Variants in ZFYVE16 observed in about 807,000 individuals in gnomAD.
ZFYVE16 encodes the protein zinc finger FYVE domain-containing protein 16.
ZFYVE16 carries 89 observed loss-of-function variants against 138.1 expected under a neutral mutation model. The ratio of observed to expected loss-of-function variants is 0.64; its 90% CI spans 0.54 to 0.77. The LOEUF (loss-of-function observed/expected upper bound fraction) is 0.77. Among genes scored for constraint, ZFYVE16 ranks in the 30% least tolerant of loss-of-function variants. ZFYVE16 has a pLI of 0.00. For missense variants in ZFYVE16, 1,793 were observed against 1,786.7 expected (o/e 1.00, Z -0.06); for synonymous variants, 596 against 618.3 (o/e 0.96, Z 0.53).
At chr5:80,473,962 T>TA in intron 17 of ZFYVE16, 103 bp downstream of exon 17, 1 of 774,832 alleles carries the variant, frequency 1.3e-6, no homozygotes, top group Non-Finnish European at 2.1e-6. Flanking sequence ...CATAGCTTAT[T>TA]ATACTTTTTA....
rs1296264146 is a variant in ZFYVE16 at position 80,437,556 on chromosome 5, G to A, written c.871G>A (p.Glu291Lys). The change falls in exon 4 of 19, where the codon GAA becomes AAA. Residue 291 changes from glutamate (E) to lysine (K), a missense_variant. Transcript: ENST00000505560. The stretch of plus-strand genomic sequence containing the variant: ...AGATGTGGCAGTCATAACTGCCGCA[G>A]AATGTTTAAAAGAAGAGGGCAAGAC... ...EVDVAVITAA[E>K]CLKEEGKTSA... The A allele has an allele frequency of 1.9e-6, 3 of 1,614,118 alleles. No individual in the cohort carries two copies. Among genetic ancestry groups the A allele is most frequent in the African/African-American group, 1.3e-5 (1 of 75,058 alleles).
At position 80,430,015 on chromosome 5, in the gene ZFYVE16, C is replaced by T. The variant is rs574845897; in HGVS notation, c.-40+2470C>T. Among the ~76,000 whole-genome samples, 56 of 152,250 alleles carry T rather than the reference C, an allele frequency of 3.7e-4. No homozygotes were observed. In the East Asian group the frequency reaches 0.01, roughly 28 times the overall value. ...GGAGACTTTAACACCCCACTGTCAACATTAGACAGATCCACGAGACAGAAA... is the reference window on the plus strand; with the variant it reads ...GGAGACTTTAACACCCCACTGTCAATATTAGACAGATCCACGAGACAGAAA... On this transcript the variant is annotated intron_variant, in intron 2 of 18. Coordinates refer to ENST00000505560, the MANE Select transcript of ZFYVE16 (RefSeq NM_001284236.3).
chr5:80,445,212 T>A (rs1751162961), intron 6 of ZFYVE16, 51 bp from the exon 7 acceptor site: 1 of 1,585,712 alleles, frequency 6.3e-7, no homozygotes, highest in African/African-American at 1.4e-5. Flanking sequence ...TGGCATTAAA[T>A]CATTGCCATA....
chr5:80,416,787 T>G (rs1417572053), intron 1 of ZFYVE16, among the ~76,000 whole-genome samples: 1 of 152,160 alleles, frequency 6.6e-6, no homozygotes, highest in Non-Finnish European at 1.5e-5. Flanking sequence ...CAAGGAGACT[T>G]GGTTCCTTTT....
chr5:80,449,130 C>G (rs1048964470), intron 8 of ZFYVE16, among the ~76,000 whole-genome samples: 3 of 146,276 alleles, frequency 2.1e-5, no homozygotes, highest in Non-Finnish European at 3.0e-5. Flanking sequence ...TTGTCAAGAT[C>G]TTTTTTTTTT....
rs911822284 is a variant in ZFYVE16, at chr5:80,480,617, A to C, written c.*3240A>C. Among the ~76,000 whole-genome samples, 1 of 152,270 alleles carries C rather than the reference A, an allele frequency of 6.6e-6. No individual in the cohort carries two copies. The highest frequency in any genetic ancestry group is 1.9e-4 in the East Asian group (1 of 5,184). ...ACAAATCCCAAACAGAATAAACTAG[A>C]AAATCCACACATAGACACATAATAA... On this transcript the variant is annotated 3_prime_UTR_variant, in exon 19 of 19. Coordinates refer to ENST00000505560, the MANE Select transcript of ZFYVE16 (RefSeq NM_001284236.3).
chr5:80,477,634 T>C lies in ZFYVE16; in HGVS notation c.*257T>C, dbSNP rs1755041269. On this transcript the variant is annotated 3_prime_UTR_variant, in exon 19 of 19. Coordinates refer to ENST00000505560, the MANE Select transcript of ZFYVE16 (RefSeq NM_001284236.3). ...AAAGACAAGGATTTCTTTTAAGAAATTTATAGCATTTACTGTGTTATTTAA... is the reference window on the plus strand; with the variant it reads ...AAAGACAAGGATTTCTTTTAAGAAACTTATAGCATTTACTGTGTTATTTAA... The C allele has an allele frequency of 3.5e-6, 1 of 285,644 alleles. No individual in the cohort carries two copies. Among genetic ancestry groups the C allele is most frequent in the South Asian group, 8.6e-5 (1 of 11,648 alleles). The allele number at this position is 285,644 out of a possible 1,614,324, so 17.7% of individuals were successfully genotyped here.
intron 2 of ZFYVE16, among the ~76,000 whole-genome samples, chr5:80,428,983 G>A (rs1195399507): frequency 2.0e-5 from 3 of 152,198 alleles, no homozygotes; most frequent in African/African-American, 7.2e-5. Flanking sequence ...CGTCTAATTG[G>A]TGTACCTGAA....
intron 8 of ZFYVE16, 135 bp downstream of exon 8, chr5:80,448,539 G>C (rs970943710): frequency 1.1e-5 from 9 of 833,650 alleles, no homozygotes; most frequent in Non-Finnish European, 6.5e-6. Context: ...TTTGTTTACA[G>C]AAAGTCTTAT....
intron 12 of ZFYVE16, 88 bp downstream of exon 12, chr5:80,455,862 CTTTAA>C: frequency 8.9e-7 from 1 of 1,128,718 alleles, no homozygotes. Flanking sequence ...TATTTTCCTA[CTTTAA>C]TTTGCCATAT....
In ZFYVE16 at chr5:80,435,100, T is replaced by C. The variant is rs958266597; in HGVS notation, c.70+883T>C. 4.1e-4 allele frequency among the ~76,000 whole-genome samples: 62 copies of C among 152,176 alleles called. 1 individual carries two copies. The highest frequency in any genetic ancestry group is 2.0e-4 in the Admixed American group (3 of 15,278). On this transcript the variant is annotated intron_variant, in intron 3 of 18. Coordinates refer to ENST00000505560, the MANE Select transcript of ZFYVE16 (RefSeq NM_001284236.3). ...TCCAGGCTGGAGTGCAGTGGCATGA[T>C]CTCGGCTCACTGCAACTTCTGCCTC...
chr5:80,429,348 C>A (rs1748629649), intron 2 of ZFYVE16, among the ~76,000 whole-genome samples: 1 of 152,162 alleles, frequency 6.6e-6, no homozygotes, highest in South Asian at 2.1e-4. Flanking sequence ...TCCAGCCAAA[C>A]TAAGCTTCAT....
At chr5:80,457,120 T>G in intron 14 of ZFYVE16, 28 bp downstream of exon 14, 1 of 1,602,106 alleles carries the variant, frequency 6.2e-7, no homozygotes, top group Non-Finnish European at 8.5e-7. Context: ...TAGTGCTAAT[T>G]TACAAAACCA....
intron 15 of ZFYVE16, among the ~76,000 whole-genome samples, chr5:80,464,933 C>T (rs899469827): frequency 6.6e-6 from 1 of 152,076 alleles, no homozygotes; most frequent in South Asian, 2.1e-4. Context: ...AAACTTTACT[C>T]CTGTTTATCG....
intron 15 of ZFYVE16, among the ~76,000 whole-genome samples, chr5:80,470,163 G>A (rs1223069763): frequency 2.8e-5 from 4 of 143,094 alleles, no homozygotes; most frequent in African/African-American, 1.0e-4. Flanking sequence ...GTGCAGTGGC[G>A]CAATCTCGGC....
At chr5:80,436,731 G>A (rs752711847) in intron 3 of ZFYVE16, 25 bp from the exon 4 acceptor site, 13 of 1,568,046 alleles carry the variant, frequency 8.3e-6, no homozygotes, top group South Asian at 8.1e-5. Flanking sequence ...TAAGTCTCCC[G>A]AATAACACTG....
chr5:80,425,484 A>C (rs1301856943), intron 1 of ZFYVE16, among the ~76,000 whole-genome samples: 1 of 152,234 alleles, frequency 6.6e-6, no homozygotes, highest in Non-Finnish European at 1.5e-5. Context: ...AGATGTGTTT[A>C]ATAATGTATA....
Position 80,482,924 on chromosome 5 carries a change from G to C in ZFYVE16, c.*5547G>C, listed in dbSNP as rs1056962224. ...TCTGTTGCCCAGGCTGGAATGGATT[G>C]GTGCGATCTCAGCTCACTGCAACCT... On this transcript the variant is annotated 3_prime_UTR_variant, in exon 19 of 19. Transcript: ENST00000505560. 3.3e-5 allele frequency: 5 copies of C among 151,590 alleles called. No individual in the cohort carries two copies. Among genetic ancestry groups the C allele is most frequent in the African/African-American group, 1.2e-4 (5 of 41,176 alleles). The allele number at this position is 151,590 out of a possible 1,614,324, so 9.4% of individuals were successfully genotyped here. A position where few individuals can be genotyped will look rare whatever the true frequency, so the allele number is the denominator to read the frequency against.
intron 1 of ZFYVE16, among the ~76,000 whole-genome samples, chr5:80,413,395 TG>T (rs1160708581): frequency 6.9e-6 from 1 of 144,754 alleles, no homozygotes; most frequent in African/African-American, 2.5e-5. Context: ...CGCTTGAACC[TG>T]GGAGGCGGAG....
Sources: allele counts gnomAD v4.1 joint callset (sites outside exome capture counted in the v4.1 genomes callset), GRCh38; gene constraint gnomAD v4.1.1; transcripts MANE v1.5; gene names NCBI Gene and HGNC (gene_info 2026-07-23, HGNC 2026-07-21).